Variants in DIP2B observed in about 807,000 individuals in gnomAD.
DIP2B encodes disco-interacting protein 2 homolog B.
A neutral mutation model predicts 198.0 loss-of-function variants in DIP2B; 76 were observed. The ratio of observed to expected loss-of-function variants is 0.38; its 90% CI spans 0.32 to 0.46. The LOEUF is 0.46. Among genes scored for constraint, DIP2B ranks in the 20% least tolerant of loss-of-function variants. The probability of loss-of-function intolerance (pLI) is 0.99; values close to 1 mark genes in which losing one functional copy is unlikely to be tolerated. For missense variants in DIP2B, 1,559 were observed against 1,978.4 expected, an observed-to-expected ratio of 0.79 and a Z score of 4.02; for synonymous variants, 701 against 739.1, an observed-to-expected ratio of 0.95 and a Z score of 0.84.
At chr12:50,541,403 CTT>C (rs57979674) in intron 1 of DIP2B, among the ~76,000 whole-genome samples, 70 of 128,522 alleles carry the variant, frequency 5.4e-4, no homozygotes, top group Admixed American at 6.3e-4. Flanking sequence ...AAAGAACATT[CTT>C]TTTTTTTTTT....
intron 22 of DIP2B, among the ~76,000 whole-genome samples, chr12:50,713,222 A>T (rs1208998496): frequency 1.3e-5 from 2 of 152,198 alleles, no homozygotes; most frequent in African/African-American, 4.8e-5. Flanking sequence ...TGCTGAGATT[A>T]CAGACTTGAG....
At chr12:50,579,710 T>G (rs1286575266) in intron 1 of DIP2B, among the ~76,000 whole-genome samples, 2 of 95,394 alleles carry the variant, frequency 2.1e-5, no homozygotes, top group African/African-American at 4.0e-5. Flanking sequence ...TATATATATA[T>G]ATATATATAC....
chr12:50,709,572 A>G (rs1403036216), intron 22 of DIP2B, among the ~76,000 whole-genome samples: 1 of 151,356 alleles, frequency 6.6e-6, no homozygotes, highest in Non-Finnish European at 1.5e-5. Flanking sequence ...CAGGAGGCGG[A>G]GCTTGCAGTG....
rs765477535 is a variant in DIP2B, at chr12:50,695,275, G to A, written c.1728G>A (p.Met576Ile). 6.2e-7 allele frequency: 1 copy of A among 1,613,128 alleles called. No homozygotes were observed. The highest frequency in any genetic ancestry group is 1.1e-5 in the South Asian group (1 of 90,848). ...GLWHGMFANV[M>I]NKMHTISVPY... ...CTTTCTTTGTTTTTCAGAATGTAAT[G>A]AATAAGATGCACACAATCAGCGTAC... is the stretch of plus-strand genomic sequence containing the variant. The change falls in exon 15 of 38, where the codon ATG becomes ATA. Residue 576 changes from methionine to isoleucine, a missense_variant. Physicochemically the swap from Met to Ile is conservative, Grantham distance 10 (BLOSUM62 1). Transcript: ENST00000301180.
chr12:50,587,259 T>C (rs1298112482), intron 1 of DIP2B, among the ~76,000 whole-genome samples: 1 of 152,196 alleles, frequency 6.6e-6, no homozygotes, highest in Non-Finnish European at 1.5e-5. Flanking sequence ...GGTCCCCTTT[T>C]CTCTTCTGTG....
intron 30 of DIP2B, among the ~76,000 whole-genome samples, chr12:50,729,425 C>A (rs1939996678): frequency 6.6e-6 from 1 of 152,136 alleles, no homozygotes; most frequent in African/African-American, 2.4e-5. Flanking sequence ...ATGGGACTCC[C>A]CAAGACTTAT....
At chr12:50,571,204 C>T (rs1238239086) in intron 1 of DIP2B, among the ~76,000 whole-genome samples, 3 of 137,314 alleles carry the variant, frequency 2.2e-5, no homozygotes, top group Non-Finnish European at 4.6e-5. Flanking sequence ...TGGAGTCTTA[C>T]TCTGTCACCC....
intron 3 of DIP2B, among the ~76,000 whole-genome samples, chr12:50,644,961 C>T (rs1324511917): frequency 6.6e-6 from 1 of 152,110 alleles, no homozygotes; most frequent in Non-Finnish European, 1.5e-5. Context: ...AGTGATTAAT[C>T]ATTTTTTAAG....
At position 50,522,524 on chromosome 12, in the gene DIP2B, A is replaced by G. The variant is rs567468232; in HGVS notation, c.100+17284A>G. Among the ~76,000 whole-genome samples, 7 of 152,248 alleles carry G rather than the reference A, an allele frequency of 4.6e-5. No individual in the cohort carries two copies. In the East Asian group the frequency reaches 1.3e-3, roughly 29 times the overall value. On this transcript the variant is annotated intron_variant, in intron 1 of 37. Coordinates refer to ENST00000301180, the MANE Select transcript of DIP2B (RefSeq NM_173602.3). ...ATGTGCCAGTTCACCTAATGGATGC[A>G]TCTTTGGGGTATGGGGGAAACTAGA...
chr12:50,691,052 A>C lies in DIP2B; in HGVS notation c.1555A>C (p.Lys519Gln). Residue 519 changes from lysine (K) to glutamine (Q), a missense_variant, in exon 13 of 38, where the codon AAA becomes CAA. Physicochemically the swap from Lys to Gln is moderately conservative, Grantham distance 53. Coordinates refer to ENST00000301180, the MANE Select transcript of DIP2B (RefSeq NM_173602.3). ...AGTEPAYIEY[K>Q]TSKEGSVMGV... is the part of the protein sequence containing the mutation. The stretch of plus-strand genomic sequence containing the variant: ...TGTTTCTGTTTTTGTTTTCTAGTAT[A>C]AAACAAGCAAAGAAGGGAGTGTAAT... 6.2e-7 allele frequency: 1 copy of C among 1,613,700 alleles called. No individual in the cohort carries two copies. Among genetic ancestry groups the C allele is most frequent in the Non-Finnish European group, 8.5e-7 (1 of 1,179,810 alleles).
intron 1 of DIP2B, among the ~76,000 whole-genome samples, chr12:50,565,457 G>A (rs954412973): frequency 1.3e-5 from 2 of 152,050 alleles, no homozygotes; most frequent in Non-Finnish European, 2.9e-5. Flanking sequence ...CACCACGCCC[G>A]GCTAATTGTT....
chr12:50,620,485 G>C (rs1170071074), intron 1 of DIP2B, among the ~76,000 whole-genome samples: 1 of 152,170 alleles, frequency 6.6e-6, no homozygotes, highest in Non-Finnish European at 1.5e-5. Context: ...GTGGGTCGCA[G>C]ACTCGCCACG....
intron 1 of DIP2B, among the ~76,000 whole-genome samples, chr12:50,585,326 TG>T (rs1272309177): frequency 6.6e-6 from 1 of 152,204 alleles, no homozygotes; most frequent in Non-Finnish European, 1.5e-5. Flanking sequence ...TATGTATAGT[TG>T]GGAGACAAAC....
At chr12:50,592,403 T>C (rs1958827465) in intron 1 of DIP2B, among the ~76,000 whole-genome samples, 2 of 152,196 alleles carry the variant, frequency 1.3e-5, no homozygotes, top group African/African-American at 4.8e-5. Flanking sequence ...GCAGTCCTCC[T>C]GCTTTGGCCT....
At chr12:50,660,481 A>C (rs1056845870) in intron 4 of DIP2B, among the ~76,000 whole-genome samples, 162 bp downstream of exon 4, 2 of 152,238 alleles carry the variant, frequency 1.3e-5, no homozygotes, top group Non-Finnish European at 1.5e-5. Flanking sequence ...GTCATCTCGT[A>C]AACAACACAC....
intron 7 of DIP2B, among the ~76,000 whole-genome samples, chr12:50,677,732 AC>A: frequency 6.6e-6 from 1 of 151,966 alleles, no homozygotes; most frequent in African/African-American, 2.4e-5. Context: ...TGAAATATTC[AC>A]CCCCAATCTC....
rs1340318673 is a variant in DIP2B at position 50,737,211 on chromosome 12, GT to G, written c.4176+103del. On this transcript the variant is annotated intron_variant, in intron 35 of 37. Coordinates refer to ENST00000301180, the MANE Select transcript of DIP2B (RefSeq NM_173602.3). ...AAAACTGTGGATTTAGCTTTCCCCC[GT>G]TGTGAATGGAGTTAATTTTTTTCTG... The G allele has an allele frequency of 3.7e-6, 4 of 1,085,074 alleles. No individual in the cohort carries two copies. In the East Asian group the frequency reaches 9.9e-5, roughly 27 times the overall value. 67.2% of individuals were successfully genotyped at this position (1,085,074 alleles called of 1,614,324 possible).
At chr12:50,734,324 G>T in intron 33 of DIP2B, 128 bp downstream of exon 33, 1 of 926,014 alleles carries the variant, frequency 1.1e-6, no homozygotes, top group Non-Finnish European at 1.7e-6. Flanking sequence ...GAAGAGGGAA[G>T]GAATTTGTTT....
At chr12:50,642,394 T>A (rs185926132) in intron 3 of DIP2B, among the ~76,000 whole-genome samples, 2 of 152,328 alleles carry the variant, frequency 1.3e-5, no homozygotes, top group Admixed American at 1.3e-4. Flanking sequence ...TTTGTATTTG[T>A]TCCAGTAGCT....
Sources: gnomAD v4.1 joint callset for allele counts (sites outside exome capture counted in the v4.1 genomes callset) on GRCh38, gnomAD v4.1.1 for gene constraint, MANE v1.5 for transcripts, NCBI Gene and HGNC (gene_info 2026-07-23, HGNC 2026-07-21) for gene names.